The following ST8SIA2 variants were observed in gnomAD, a reference collection of about 807,000 sequenced individuals.
ST8SIA2 encodes the protein ST8 alpha-N-acetyl-neuraminide alpha-2,8-sialyltransferase 2, also known as alpha-2,8-sialyltransferase 8B.
Under a neutral mutation model 37.6 loss-of-function variants are expected in ST8SIA2, and 22 were observed. That is an observed-to-expected ratio of 0.58 (90% confidence interval 0.42 to 0.83). ST8SIA2 has a LOEUF of 0.83. Among genes scored for constraint, ST8SIA2 ranks in the 40% least tolerant of loss-of-function variants. ST8SIA2 has a pLI of 0.00. For synonymous variants in ST8SIA2, 205 were observed against 201.2 expected, an observed-to-expected ratio of 1.02 and a Z score of -0.16; for missense variants, 382 against 484.7, an observed-to-expected ratio of 0.79 and a Z score of 1.99.
intron 1 of ST8SIA2, among the ~76,000 whole-genome samples, chr15:92,413,877 G>A (rs889256176): frequency 2.0e-5 from 3 of 152,132 alleles, no homozygotes; most frequent in Non-Finnish European, 4.4e-5. Context: ...GGCAGCCCCC[G>A]GTGTGATGCC....
chr15:92,408,520 G>A (rs569427621), intron 1 of ST8SIA2, among the ~76,000 whole-genome samples: 10 of 152,168 alleles, frequency 6.6e-5, no homozygotes, highest in African/African-American at 2.2e-4. Flanking sequence ...AGGGGAGGGA[G>A]TAAGTTCCTT....
chr15:92,433,023 AG>A (rs896851552), intron 2 of ST8SIA2, among the ~76,000 whole-genome samples: 41 of 152,038 alleles, frequency 2.7e-4, no homozygotes, highest in African/African-American at 9.6e-4. Flanking sequence ...CCAGCTACTC[AG>A]GAGGCTGAGG....
chr15:92,450,391 G>A (rs2049873366), intron 5 of ST8SIA2, among the ~76,000 whole-genome samples: 1 of 152,188 alleles, frequency 6.6e-6, no homozygotes, highest in Admixed American at 6.5e-5. Flanking sequence ...ATACATGAAT[G>A]TATTAGTCTG....
At chr15:92,453,892 G>C (rs1290774265) in intron 5 of ST8SIA2, among the ~76,000 whole-genome samples, 1 of 152,214 alleles carries the variant, frequency 6.6e-6, no homozygotes. Flanking sequence ...TGTAGAACTA[G>C]GGTTGGGGGA....
At chr15:92,426,697 G>C (rs956769849) in intron 1 of ST8SIA2, among the ~76,000 whole-genome samples, 2 of 152,220 alleles carry the variant, frequency 1.3e-5, no homozygotes, top group African/African-American at 4.8e-5. Context: ...GAAGAAATAA[G>C]TTCTAGAGGT....
chr15:92,403,991 T>G (rs2049489156), intron 1 of ST8SIA2, among the ~76,000 whole-genome samples: 1 of 152,186 alleles, frequency 6.6e-6, no homozygotes, highest in South Asian at 2.1e-4. Flanking sequence ...GAAAGACCTG[T>G]GATGGCCCAG....
chr15:92,429,553 T>C (rs901320878), intron 1 of ST8SIA2, among the ~76,000 whole-genome samples: 1 of 152,246 alleles, frequency 6.6e-6, no homozygotes, highest in Non-Finnish European at 1.5e-5. Flanking sequence ...CACATTTGAA[T>C]GGAGGCACTG....
At chr15:92,414,206 C>G (rs1414061357) in intron 1 of ST8SIA2, among the ~76,000 whole-genome samples, 1 of 152,204 alleles carries the variant, frequency 6.6e-6, no homozygotes, top group Admixed American at 6.5e-5. Flanking sequence ...GGAATAAAAT[C>G]ACAGGGGACA....
intron 5 of ST8SIA2, among the ~76,000 whole-genome samples, chr15:92,454,669 C>T (rs1482545873): frequency 1.3e-5 from 2 of 151,766 alleles, no homozygotes; most frequent in African/African-American, 4.9e-5. Context: ...CAGCAGCTGG[C>T]AGGGCCCGGC....
At chr15:92,437,129 A>G (rs2049764855) in intron 3 of ST8SIA2, among the ~76,000 whole-genome samples, 1 of 152,238 alleles carries the variant, frequency 6.6e-6, no homozygotes, top group South Asian at 2.1e-4. Flanking sequence ...TGCAAAGTGC[A>G]TGAAAATTCT....
At chr15:92,446,939 T>C (rs1315178871) in intron 5 of ST8SIA2, among the ~76,000 whole-genome samples, 1 of 152,084 alleles carries the variant, frequency 6.6e-6, no homozygotes, top group African/African-American at 2.4e-5. Context: ...GCACATATGT[T>C]TGTGGGCCAT....
intron 3 of ST8SIA2, among the ~76,000 whole-genome samples, chr15:92,437,834 G>A (rs4777981): frequency 0.52 from 78,965 of 152,008 alleles, 20,777 homozygotes; most frequent in East Asian, 0.68. Flanking sequence ...AGGAAGTGTG[G>A]GAGTAGCAGA....
rs550372820 is a variant in ST8SIA2 at position 92,439,302 on chromosome 15, C to G, written c.548+692C>G. Among the ~76,000 whole-genome samples, 14 of 152,268 alleles carry G rather than the reference C, an allele frequency of 9.2e-5. No individual in the cohort carries two copies. In the South Asian group the frequency reaches 2.9e-3, roughly 32 times the overall value. On this transcript the variant is annotated intron_variant, in intron 4 of 5. Coordinates refer to ENST00000268164, the MANE Select transcript of ST8SIA2 (RefSeq NM_006011.4). ...GGGAAGTGCGGGAGTAACAGAGAAA[C>G]TTGAATTTTGTACCTGACTATAATT...
chr15:92,413,388 G>T (rs1394580246), intron 1 of ST8SIA2, among the ~76,000 whole-genome samples: 1 of 152,192 alleles, frequency 6.6e-6, no homozygotes, highest in Non-Finnish European at 1.5e-5. Flanking sequence ...AGGAAACTCA[G>T]TCTGAATATT....
intron 5 of ST8SIA2, among the ~76,000 whole-genome samples, chr15:92,463,253 T>C (rs2049969328): frequency 6.6e-6 from 1 of 152,238 alleles, no homozygotes; most frequent in South Asian, 2.1e-4. Flanking sequence ...TTTCCTCTCG[T>C]AACCCTTTAA....
chr15:92,394,315 A>T (rs1222559245), intron 1 of ST8SIA2, among the ~76,000 whole-genome samples, 153 bp downstream of exon 1: 4 of 152,006 alleles, frequency 2.6e-5, no homozygotes, highest in Admixed American at 1.3e-4. Flanking sequence ...TGGCGGCGAC[A>T]GGGGCCCGGG....
intron 4 of ST8SIA2, among the ~76,000 whole-genome samples, chr15:92,443,964 C>T (rs968968882): frequency 4.3e-4 from 65 of 152,234 alleles, no homozygotes; most frequent in African/African-American, 1.5e-3. Flanking sequence ...GCACTCTTTT[C>T]GTGTACCTTG....
intron 4 of ST8SIA2, among the ~76,000 whole-genome samples, chr15:92,439,451 G>T (rs2049785330): frequency 6.6e-6 from 1 of 152,206 alleles, no homozygotes; most frequent in African/African-American, 2.4e-5. Flanking sequence ...GCTGTCTCCA[G>T]GTCAAAATTA....
At chr15:92,406,620 C>T (rs2049509812) in intron 1 of ST8SIA2, among the ~76,000 whole-genome samples, 1 of 152,182 alleles carries the variant, frequency 6.6e-6, no homozygotes, top group Admixed American at 6.5e-5. Flanking sequence ...CCCATCACAC[C>T]AGGGGTAGCC....
Sources: allele counts gnomAD v4.1 joint callset (sites outside exome capture counted in the v4.1 genomes callset), GRCh38; gene constraint gnomAD v4.1.1; transcripts MANE v1.5; gene names NCBI Gene and HGNC (gene_info 2026-07-23, HGNC 2026-07-21).